COL25A1: variants seen among roughly 807,000 people sequenced by gnomAD.
The protein encoded by COL25A1 is collagen type XXV alpha 1 chain.
A neutral mutation model predicts 128.4 loss-of-function variants in COL25A1; 103 were observed. That is an observed-to-expected ratio of 0.80 (90% CI 0.68 to 0.94). COL25A1 has a LOEUF of 0.94. COL25A1 is among the 40% of genes least tolerant of loss of function. The probability of loss-of-function intolerance (pLI) is 0.00; values close to 1 mark genes in which losing one functional copy is unlikely to be tolerated. For missense variants in COL25A1, 745 were observed against 840.0 expected, an observed-to-expected ratio of 0.89 and a Z score of 1.40; for synonymous variants, 279 against 277.2, an observed-to-expected ratio of 1.01 and a Z score of -0.06.
chr4:109,123,791 C>T (rs554648540), intron 3 of COL25A1, among the ~76,000 whole-genome samples: 2 of 152,098 alleles, frequency 1.3e-5, no homozygotes, highest in South Asian at 4.1e-4. Context: ...TGGACATAGG[C>T]CTCGGTTCTA....
At chr4:108,934,235 C>T (rs1747129627) in intron 11 of COL25A1, among the ~76,000 whole-genome samples, 2 of 145,918 alleles carry the variant, frequency 1.4e-5, no homozygotes, top group Admixed American at 1.5e-4. Context: ...ATCACAAGGA[C>T]AGAAAACCAG....
intron 3 of COL25A1, among the ~76,000 whole-genome samples, chr4:109,179,689 T>C (rs1321685858): frequency 1.3e-5 from 2 of 152,250 alleles, no homozygotes; most frequent in African/African-American, 4.8e-5. Flanking sequence ...CTTGAACTTC[T>C]TGAAGCTGTA....
intron 16 of COL25A1, among the ~76,000 whole-genome samples, chr4:108,894,934 A>G (rs1026246969): frequency 6.6e-6 from 1 of 152,192 alleles, no homozygotes; most frequent in African/African-American, 2.4e-5. Flanking sequence ...ACGTTTGACA[A>G]TACCTGGAGA....
chr4:108,821,207 A>G (rs1423145572), intron 35 of COL25A1, among the ~76,000 whole-genome samples: 1 of 152,194 alleles, frequency 6.6e-6, no homozygotes, highest in Non-Finnish European at 1.5e-5. Flanking sequence ...CCTGTGTGCC[A>G]AAAAGATTGC....
Position 109,302,183 on chromosome 4 carries a change from G to A in COL25A1, c.-71C>T. The A allele has an allele frequency of 1.1e-6, 1 of 889,600 alleles. No individual in the cohort carries two copies. Among genetic ancestry groups the A allele is most frequent in the Non-Finnish European group, 1.6e-6 (1 of 606,742 alleles). 55.1% of individuals were successfully genotyped at this position (889,600 alleles called of 1,614,324 possible). The stretch of plus-strand genomic sequence containing the variant: ...CGGATACGGACCCCTGCCTTGCTCA[G>A]CGTCCAGACCCGCAGGCGTGCACCA... On this transcript the variant is annotated 5_prime_UTR_variant, in exon 1 of 38. Coordinates refer to ENST00000399132, the MANE Select transcript of COL25A1 (RefSeq NM_198721.4).
At chr4:109,007,827 C>T (rs1416103614) in intron 6 of COL25A1, among the ~76,000 whole-genome samples, 2 of 152,096 alleles carry the variant, frequency 1.3e-5, no homozygotes, top group East Asian at 3.9e-4. Context: ...GATATACGTT[C>T]ATTCTTAGCC....
At chr4:108,845,111 A>T in intron 29 of COL25A1, 78 bp downstream of exon 29, 1 of 1,203,790 alleles carries the variant, frequency 8.3e-7, no homozygotes, top group Non-Finnish European at 1.2e-6. Flanking sequence ...GCCATCTGGC[A>T]GAGGTGGAAT....
intron 3 of COL25A1, among the ~76,000 whole-genome samples, chr4:109,137,700 C>T (rs1769930016): frequency 1.3e-5 from 2 of 152,158 alleles, no homozygotes; most frequent in South Asian, 4.1e-4. Context: ...TGACATGGCT[C>T]CTATTTATTC....
intron 15 of COL25A1, among the ~76,000 whole-genome samples, chr4:108,897,923 C>T (rs1172358991): frequency 6.6e-6 from 1 of 152,152 alleles, no homozygotes; most frequent in Non-Finnish European, 1.5e-5. Flanking sequence ...GGGACACTTT[C>T]TCTGATGAAC....
intron 5 of COL25A1, among the ~76,000 whole-genome samples, chr4:109,014,517 C>T (rs1438189640): frequency 6.6e-6 from 1 of 152,182 alleles, no homozygotes; most frequent in South Asian, 2.1e-4. Flanking sequence ...TTTAATACGT[C>T]GCATTCCTGC....
At chr4:109,154,090 T>C (rs1771801167) in intron 3 of COL25A1, among the ~76,000 whole-genome samples, 2 of 152,220 alleles carry the variant, frequency 1.3e-5, no homozygotes, top group African/African-American at 2.4e-5. Context: ...TCAGGGACTT[T>C]TGACTATTGC....
chr4:108,981,203 C>G (rs940226276), intron 6 of COL25A1, among the ~76,000 whole-genome samples: 1 of 152,082 alleles, frequency 6.6e-6, no homozygotes, highest in Admixed American at 6.6e-5. Context: ...ATACATCCAC[C>G]CTACTTCTGA....
intron 11 of COL25A1, among the ~76,000 whole-genome samples, chr4:108,924,303 A>G (rs1210365218): frequency 6.6e-6 from 1 of 152,226 alleles, no homozygotes; most frequent in Non-Finnish European, 1.5e-5. Flanking sequence ...TATGCAAAAT[A>G]AAGTTCAGAT....
At chr4:109,175,008 T>C (rs954190980) in intron 3 of COL25A1, among the ~76,000 whole-genome samples, 2 of 152,166 alleles carry the variant, frequency 1.3e-5, no homozygotes, top group South Asian at 2.1e-4. Flanking sequence ...TGTGCACTCC[T>C]TATAAGAACC....
intron 5 of COL25A1, among the ~76,000 whole-genome samples, chr4:109,013,239 C>G (rs1206004523): frequency 1.3e-5 from 2 of 152,028 alleles, no homozygotes; most frequent in Non-Finnish European, 1.5e-5. Flanking sequence ...CCAATCAGTG[C>G]TCTGTGTCTA....
chr4:108,947,330 T>C (rs1271815675), intron 8 of COL25A1, among the ~76,000 whole-genome samples: 1 of 151,602 alleles, frequency 6.6e-6, no homozygotes, highest in Non-Finnish European at 1.5e-5. Flanking sequence ...TAATCTCAGC[T>C]ACTTGGGAGG....
chr4:109,274,604 A>G (rs1782416257), intron 3 of COL25A1, among the ~76,000 whole-genome samples: 1 of 152,220 alleles, frequency 6.6e-6, no homozygotes, highest in Non-Finnish European at 1.5e-5. Flanking sequence ...TTATCTTGCC[A>G]ATTACTTTTT....
chr4:109,159,593 G>A lies in COL25A1; in HGVS notation c.368-109414C>T, dbSNP rs146086058. 2.7e-3 allele frequency among the ~76,000 whole-genome samples: 408 copies of A among 152,152 alleles called. 3 individuals are homozygous for A. Among genetic ancestry groups the A allele is most frequent in the East Asian group, 9.3e-3 (48 of 5,178 alleles). Reference sequence around the variant, plus strand: ...CAGGAGTTGAGTAATTTGATAGTACGAAGCATGGTTCACAATACAGAATGA... The same window carrying A: ...CAGGAGTTGAGTAATTTGATAGTACAAAGCATGGTTCACAATACAGAATGA... On this transcript the variant is annotated intron_variant, in intron 3 of 37. Transcript: ENST00000399132.
intron 8 of COL25A1, 130 bp downstream of exon 8, chr4:108,974,237 G>T: frequency 1.2e-6 from 1 of 847,058 alleles, no homozygotes; most frequent in Non-Finnish European, 1.9e-6. Context: ...CTTACAAGTG[G>T]TATGGTATTT....
Sources: allele counts gnomAD v4.1 joint callset (sites outside exome capture counted in the v4.1 genomes callset), GRCh38; gene constraint gnomAD v4.1.1; transcripts MANE v1.5; gene names NCBI Gene and HGNC (gene_info 2026-07-23, HGNC 2026-07-21).